ZDHHC14: variants seen among roughly 807,000 people sequenced by gnomAD.
The protein encoded by ZDHHC14 is zDHHC palmitoyltransferase 14, also known as palmitoyltransferase ZDHHC14.
A neutral mutation model predicts 47.7 loss-of-function variants in ZDHHC14; 16 were observed. The observed-to-expected ratio is 0.34, with a 90% CI of 0.23 to 0.51. The LOEUF is 0.51. ZDHHC14 is among the 20% of genes least tolerant of loss of function. The pLI is 0.97. For synonymous variants in ZDHHC14, 293 were observed against 278.9 expected (o/e 1.05, Z -0.50); for missense variants, 515 against 662.5 (o/e 0.78, Z 2.44).
rs148573580 is a variant in ZDHHC14, at chr6:157,421,026, C to T, written c.245+38760C>T. 4.6e-5 allele frequency among the ~76,000 whole-genome samples: 7 copies of T among 152,206 alleles called. No homozygotes were observed. The East Asian group carries it at 7.7e-4, about 17-fold the overall frequency. On this transcript the variant is annotated intron_variant, in intron 1 of 8. Coordinates refer to ENST00000359775, the MANE Select transcript of ZDHHC14 (RefSeq NM_024630.3). ...TTGCAGCAGAACACATCTGAACTAA[C>T]GTAATACCTTTTTTAGTAAGGCACT...
At chr6:157,631,350 T>G (rs1785730077) in intron 4 of ZDHHC14, 1 of 152,230 alleles carries the variant, frequency 6.6e-6, no homozygotes, top group Non-Finnish European at 1.5e-5. Flanking sequence ...TATTAAGAAT[T>G]TACCTGCCTG....
intron 1 of ZDHHC14, among the ~76,000 whole-genome samples, chr6:157,480,259 G>GT (rs544976884): frequency 0.22 from 26,759 of 121,310 alleles, 2,849 homozygotes; most frequent in Non-Finnish European, 0.26. Context: ...GTTGTTTTGG[G>GT]TTTTTTTTTT....
intron 3 of ZDHHC14, among the ~76,000 whole-genome samples, chr6:157,611,686 T>C (rs375214789): frequency 1.3e-5 from 2 of 152,356 alleles, no homozygotes. Context: ...TATTTCTGCC[T>C]GGAATTGTCA....
In ZDHHC14 at chr6:157,673,350, A is replaced by C; in HGVS notation, c.*228A>C. 1 of 570,612 alleles carries C rather than the reference A, an allele frequency of 1.8e-6. No individual in the cohort carries two copies. The highest frequency in any genetic ancestry group is 2.9e-6 in the Non-Finnish European group (1 of 342,240). 35.3% of individuals were successfully genotyped at this position (570,612 alleles called of 1,614,324 possible). A position where few individuals can be genotyped will look rare whatever the true frequency, so the allele number is the denominator to read the frequency against. ...CCCCAACCTGAGTGCTTTGACAACAATGGAAATAGAGAAGTGGCTGCTTTC... is the reference window on the plus strand; with the variant it reads ...CCCCAACCTGAGTGCTTTGACAACACTGGAAATAGAGAAGTGGCTGCTTTC... On this transcript the variant is annotated 3_prime_UTR_variant, in exon 9 of 9. Transcript: ENST00000359775. The surrounding 1 kb of genome is among the most constrained non-coding windows in gnomAD (Gnocchi z 5.4).
intron 2 of ZDHHC14, among the ~76,000 whole-genome samples, chr6:157,546,727 T>G (rs980328194): frequency 6.6e-6 from 1 of 152,160 alleles, no homozygotes; most frequent in Admixed American, 6.5e-5. Flanking sequence ...GATTTGGGGT[T>G]AGAAAAAAAT....
intron 2 of ZDHHC14, among the ~76,000 whole-genome samples, chr6:157,576,564 A>G (rs892988378): frequency 2.0e-5 from 3 of 152,242 alleles, no homozygotes; most frequent in African/African-American, 7.2e-5. Flanking sequence ...GAGCACGACT[A>G]AAATGAGCAT....
intron 1 of ZDHHC14, among the ~76,000 whole-genome samples, chr6:157,397,409 G>A (rs940170767): frequency 6.6e-6 from 1 of 152,158 alleles, no homozygotes; most frequent in Non-Finnish European, 1.5e-5. Context: ...GTTCCTTCTG[G>A]CAGCTGTAGG....
intron 1 of ZDHHC14, among the ~76,000 whole-genome samples, chr6:157,525,040 C>T (rs928078313): frequency 6.6e-6 from 1 of 152,212 alleles, no homozygotes. Flanking sequence ...CTGGGGCTGC[C>T]ATCATCTCAA....
intron 3 of ZDHHC14, among the ~76,000 whole-genome samples, chr6:157,607,044 A>G (rs1784563989): frequency 1.2e-5 from 1 of 85,390 alleles, no homozygotes; most frequent in Non-Finnish European, 2.4e-5. Context: ...ACTAGTTAGC[A>G]TATTCGAAGT....
At chr6:157,567,511 C>T (rs1782947224) in intron 2 of ZDHHC14, among the ~76,000 whole-genome samples, 1 of 152,150 alleles carries the variant, frequency 6.6e-6, no homozygotes, top group African/African-American at 2.4e-5. Flanking sequence ...CAGATCACAA[C>T]TTTGGTACAT....
At chr6:157,583,743 C>T (rs940862925) in intron 2 of ZDHHC14, among the ~76,000 whole-genome samples, 6 of 152,218 alleles carry the variant, frequency 3.9e-5, no homozygotes, top group African/African-American at 1.4e-4. Context: ...CTTGGCACTC[C>T]CAGGATGCCC....
chr6:157,578,333 T>G (rs1442084285), intron 2 of ZDHHC14, among the ~76,000 whole-genome samples: 1 of 152,226 alleles, frequency 6.6e-6, no homozygotes, highest in Admixed American at 6.5e-5. Flanking sequence ...AGGTTTTACA[T>G]TTAAGTCTTT....
intron 1 of ZDHHC14, among the ~76,000 whole-genome samples, chr6:157,460,181 C>CAACA (rs1218563348): frequency 6.6e-6 from 1 of 151,400 alleles, no homozygotes; most frequent in Non-Finnish European, 1.5e-5. Flanking sequence ...CCAGCCTGGG[C>CAACA]AACAGAGTGA....
rs1245685436 is a variant in ZDHHC14 at position 157,589,589 on chromosome 6, A to G, written c.407-3399A>G. On this transcript the variant is annotated intron_variant, in intron 2 of 8. Transcript: ENST00000359775. ...CTTGGCACTTCTCCTTCCTGCTGCC[A>G]TGTGAAGAAGGATGTGTTTGCTTCC... is the stretch of plus-strand genomic sequence containing the variant. Among the ~76,000 whole-genome samples the G allele has an allele frequency of 2.6e-5, 4 of 152,138 alleles. No individual in the cohort carries two copies. In the South Asian group the frequency reaches 6.2e-4, roughly 24 times the overall value.
intron 1 of ZDHHC14, among the ~76,000 whole-genome samples, chr6:157,396,179 C>T (rs535119392): frequency 6.6e-6 from 1 of 152,166 alleles, no homozygotes; most frequent in African/African-American, 2.4e-5. Context: ...GACCAGGGGC[C>T]TGCTTCACCT....
chr6:157,460,765 G>A (rs1256184169), intron 1 of ZDHHC14, among the ~76,000 whole-genome samples: 1 of 152,180 alleles, frequency 6.6e-6, no homozygotes, highest in Non-Finnish European at 1.5e-5. Flanking sequence ...GCCCCGTGTG[G>A]AAACATCCCC....
At chr6:157,490,119 G>A (rs1180250198) in intron 1 of ZDHHC14, among the ~76,000 whole-genome samples, 1 of 152,134 alleles carries the variant, frequency 6.6e-6, no homozygotes, top group Non-Finnish European at 1.5e-5. Flanking sequence ...CACGGTGGAC[G>A]CTCATGCCAT....
chr6:157,447,420 C>T (rs980059256), intron 1 of ZDHHC14, among the ~76,000 whole-genome samples: 13 of 152,208 alleles, frequency 8.5e-5, no homozygotes, highest in African/African-American at 3.1e-4. Flanking sequence ...GGAGGCTGCA[C>T]AGGCTCTTCC....
intron 1 of ZDHHC14, among the ~76,000 whole-genome samples, chr6:157,451,851 C>T (rs1312884396): frequency 2.0e-5 from 3 of 152,180 alleles, no homozygotes; most frequent in African/African-American, 4.8e-5. Flanking sequence ...TGAGCCACTG[C>T]GCTCAGCATC....
Sources: gnomAD v4.1 joint callset for allele counts (sites outside exome capture counted in the v4.1 genomes callset) on GRCh38, gnomAD v4.1.1 for gene constraint, Gnocchi (gnomAD v3.1) non-coding constraint, MANE v1.5 for transcripts, NCBI Gene and HGNC (gene_info 2026-07-23, HGNC 2026-07-21) for gene names.